OXSR1: variants seen among roughly 807,000 people sequenced by gnomAD.
OXSR1 encodes oxidative stress responsive kinase 1.
OXSR1 carries 24 observed loss-of-function variants against 79.8 expected under a neutral mutation model. The observed-to-expected ratio is 0.30, with a 90% CI of 0.22 to 0.42. The LOEUF is 0.42. Ranked by LOEUF, OXSR1 falls within the 10% of genes least tolerant of loss-of-function variation. The pLI, the probability that OXSR1 is intolerant of heterozygous loss-of-function variation, is 1.00. For synonymous variants in OXSR1, 226 were observed against 209.2 expected (o/e 1.08, Z -0.69); for missense variants, 430 against 618.4 (o/e 0.70, Z 3.23).
At position 38,253,147 on chromosome 3, in the gene OXSR1, A is replaced by C. The variant is rs1575381424; in HGVS notation, c.*256A>C. 4 of 470,412 alleles carry C rather than the reference A, an allele frequency of 8.5e-6. No homozygotes were observed. Among genetic ancestry groups the C allele is most frequent in the Admixed American group, 3.7e-5 (1 of 27,090 alleles). 29.1% of individuals were successfully genotyped at this position (470,412 alleles called of 1,614,324 possible). On this transcript the variant is annotated 3_prime_UTR_variant, in exon 18 of 18. Transcript: ENST00000311806. Reference sequence around the variant, plus strand: ...TATGTCCCCTGTCTTCCTCCATCTGAGAAGTGGCCCATGTGCTTCAAGGCC... The same window carrying C: ...TATGTCCCCTGTCTTCCTCCATCTGCGAAGTGGCCCATGTGCTTCAAGGCC...
intron 10 of OXSR1, 170 bp from the exon 11 acceptor site, chr3:38,236,669 C>A: frequency 2.0e-6 from 1 of 492,622 alleles, no homozygotes. Context: ...TAGAGATTGT[C>A]AACAGAGAGC....
At chr3:38,190,280 T>G (rs1222181448) in intron 2 of OXSR1, among the ~76,000 whole-genome samples, 3 of 152,152 alleles carry the variant, frequency 2.0e-5, no homozygotes, top group Admixed American at 1.3e-4. Context: ...TTGTTTCTCT[T>G]TAGTGTGAGA....
At chr3:38,221,122 G>A (rs931959543) in intron 5 of OXSR1, among the ~76,000 whole-genome samples, 7 of 152,096 alleles carry the variant, frequency 4.6e-5, no homozygotes, top group Non-Finnish European at 1.0e-4. Flanking sequence ...AGGAGTTTCT[G>A]AACTGAAAGG....
intron 4 of OXSR1, among the ~76,000 whole-genome samples, chr3:38,209,780 C>T (rs915357509): frequency 6.6e-6 from 1 of 152,042 alleles, no homozygotes; most frequent in South Asian, 2.1e-4. Flanking sequence ...CCTGCCACTA[C>T]GCCTGGCTAA....
chr3:38,192,240 CTT>C (rs1231029854), intron 3 of OXSR1, among the ~76,000 whole-genome samples: 8 of 152,278 alleles, frequency 5.3e-5, no homozygotes, highest in Middle Eastern at 3.4e-3. Context: ...TAAAGTCACT[CTT>C]GTGTCCTCTT....
chr3:38,224,018 A>T, intron 7 of OXSR1, 105 bp downstream of exon 7: 1 of 634,452 alleles, frequency 1.6e-6, no homozygotes, highest in Middle Eastern at 4.0e-4. Flanking sequence ...AATACACATA[A>T]CATAAAATTG....
At chr3:38,172,919 C>G (rs571151803) in intron 1 of OXSR1, among the ~76,000 whole-genome samples, 4 of 152,350 alleles carry the variant, frequency 2.6e-5, no homozygotes, top group Non-Finnish European at 5.9e-5. Context: ...CTAGTTTTTT[C>G]ATGCGACCAC....
At chr3:38,197,729 C>G (rs1320052261) in intron 3 of OXSR1, among the ~76,000 whole-genome samples, 1 of 152,112 alleles carries the variant, frequency 6.6e-6, no homozygotes, top group Non-Finnish European at 1.5e-5. Flanking sequence ...AGAATTCCAT[C>G]TTCTTTCTAT....
At chr3:38,236,784 T>C in intron 10 of OXSR1, 55 bp from the exon 11 acceptor site, 1 of 1,489,564 alleles carries the variant, frequency 6.7e-7, no homozygotes, top group East Asian at 2.4e-5. Flanking sequence ...TATGGAGTTT[T>C]CTACTTAGTA....
intron 1 of OXSR1, among the ~76,000 whole-genome samples, chr3:38,182,195 G>A (rs936314971): frequency 3.9e-5 from 6 of 152,242 alleles, no homozygotes; most frequent in African/African-American, 9.6e-5. Context: ...TAGAACTCCC[G>A]TTCTATCTCT....
At chr3:38,243,003 G>GTTATTTATTTATTTAT (rs34493594) in intron 12 of OXSR1, among the ~76,000 whole-genome samples, 1 of 146,166 alleles carries the variant, frequency 6.8e-6, no homozygotes. Flanking sequence ...GAAGTGAAAA[G>GTTATTTATTTATTTAT]TTATTTATTT....
chr3:38,240,561 C>T (rs1703011019), intron 11 of OXSR1, among the ~76,000 whole-genome samples: 1 of 152,044 alleles, frequency 6.6e-6, no homozygotes. Context: ...GCCTTGTATC[C>T]AGATAATGGT....
intron 9 of OXSR1, 144 bp downstream of exon 9, chr3:38,229,879 T>A: frequency 1.5e-6 from 1 of 659,430 alleles, no homozygotes; most frequent in Non-Finnish European, 2.7e-6. Flanking sequence ...ATGTATACAG[T>A]CTTTGATAAT....
At chr3:38,178,541 C>T (rs1701716559) in intron 1 of OXSR1, among the ~76,000 whole-genome samples, 2 of 147,742 alleles carry the variant, frequency 1.4e-5, no homozygotes, top group Admixed American at 6.8e-5. Flanking sequence ...TGGGTTCAAG[C>T]GATTCTCCTG....
At chr3:38,228,733 G>A (rs1265629042) in intron 8 of OXSR1, among the ~76,000 whole-genome samples, 1 of 152,140 alleles carries the variant, frequency 6.6e-6, no homozygotes, top group Non-Finnish European at 1.5e-5. Flanking sequence ...ACCATGCCCT[G>A]CTAATTTTTG....
intron 8 of OXSR1, 30 bp from the exon 9 acceptor site, chr3:38,229,657 A>G: frequency 6.3e-7 from 1 of 1,590,954 alleles, no homozygotes; most frequent in Non-Finnish European, 8.6e-7. Flanking sequence ...TAATTATAAA[A>G]ACTTTTCTTC....
chr3:38,170,656 C>G (rs970252350), intron 1 of OXSR1, among the ~76,000 whole-genome samples: 1 of 152,188 alleles, frequency 6.6e-6, no homozygotes, highest in Non-Finnish European at 1.5e-5. Flanking sequence ...TAATTAGAGG[C>G]AGAGCCAATA....
At chr3:38,172,267 AG>A (rs1701596582) in intron 1 of OXSR1, among the ~76,000 whole-genome samples, 1 of 151,650 alleles carries the variant, frequency 6.6e-6, no homozygotes. Flanking sequence ...TTTTTTTCTT[AG>A]TCCAGGCCTC....
intron 10 of OXSR1, among the ~76,000 whole-genome samples, chr3:38,234,472 G>A (rs1345040026): frequency 5.9e-5 from 9 of 152,070 alleles, no homozygotes; most frequent in African/African-American, 1.9e-4. Context: ...ATACATAAAT[G>A]GCCAATAAAC....
Sources: allele counts gnomAD v4.1 joint callset (sites outside exome capture counted in the v4.1 genomes callset), GRCh38; gene constraint gnomAD v4.1.1; transcripts MANE v1.5; gene names NCBI Gene and HGNC (gene_info 2026-07-23, HGNC 2026-07-21).